RICTOR: variants seen among roughly 807,000 people sequenced by gnomAD.
The protein encoded by RICTOR is rapamycin-insensitive companion of mTOR.
RICTOR carries 49 observed loss-of-function variants against 214.9 expected under a neutral mutation model. That is an observed-to-expected ratio of 0.23 (90% CI 0.18 to 0.29). The LOEUF (loss-of-function observed/expected upper bound fraction) is 0.29. RICTOR is among the 10% of genes least tolerant of loss of function. RICTOR has a pLI of 1.00. For synonymous variants in RICTOR, 717 were observed against 711.3 expected (o/e 1.01, Z -0.13); for missense variants, 1,625 against 2,047.0 (o/e 0.79, Z 3.98).
chr5:38,945,734 A>T lies in RICTOR; in HGVS notation c.4400-10T>A. ...GTTCCAGATGGAAGACCTGTGCATA[A>T]GTAAATATAAAACATAATCCAATAA... On this transcript the variant is annotated splice_polypyrimidine_tract_variant and intron_variant, in intron 33 of 37. Coordinates refer to ENST00000357387, the MANE Select transcript of RICTOR (RefSeq NM_152756.5). The T allele has an allele frequency of 1.4e-6, 2 of 1,400,248 alleles. No homozygotes were observed. The highest frequency in any genetic ancestry group is 2.0e-6 in the Non-Finnish European group (2 of 991,220). The allele number at this position is 1,400,248 out of a possible 1,614,324, so 86.7% of individuals were successfully genotyped here. A position where few individuals can be genotyped will look rare whatever the true frequency, so the allele number is the denominator to read the frequency against.
chr5:38,988,587 T>C (rs1242021957), intron 7 of RICTOR, among the ~76,000 whole-genome samples: 1 of 152,050 alleles, frequency 6.6e-6, no homozygotes, highest in Non-Finnish European at 1.5e-5. Context: ...ATGTGTGTCT[T>C]TGCACGTAAG....
At chr5:38,967,585 A>G (rs1051270388) in intron 12 of RICTOR, among the ~76,000 whole-genome samples, 158 bp from the exon 13 acceptor site, 2 of 152,186 alleles carry the variant, frequency 1.3e-5, no homozygotes, top group Admixed American at 6.5e-5. Flanking sequence ...AGTTATGTAA[A>G]TACACGCAGA....
intron 2 of RICTOR, among the ~76,000 whole-genome samples, chr5:39,043,013 G>A (rs977466950): frequency 6.6e-6 from 1 of 152,094 alleles, no homozygotes; most frequent in African/African-American, 2.4e-5. Context: ...TACTGTTGGT[G>A]AGAATGTATA....
chr5:38,986,163 C>G (rs989656411), intron 7 of RICTOR, among the ~76,000 whole-genome samples: 2 of 152,118 alleles, frequency 1.3e-5, no homozygotes, highest in Non-Finnish European at 2.9e-5. Context: ...CGGTTTTCTC[C>G]ATGCTGTTCT....
intron 3 of RICTOR, among the ~76,000 whole-genome samples, chr5:39,011,166 C>T (rs918949470): frequency 6.6e-6 from 1 of 152,100 alleles, no homozygotes; most frequent in East Asian, 1.9e-4. Context: ...CCCTGTATCC[C>T]AGCCGTGGCT....
intron 2 of RICTOR, among the ~76,000 whole-genome samples, chr5:39,060,855 T>G (rs1223959027): frequency 6.6e-6 from 1 of 151,970 alleles, no homozygotes; most frequent in East Asian, 1.9e-4. Context: ...GCATGGGTTT[T>G]AGAATCAGAA....
At chr5:38,942,712 C>T in intron 37 of RICTOR, 121 bp downstream of exon 37, 1 of 783,038 alleles carries the variant, frequency 1.3e-6, no homozygotes, top group Non-Finnish European at 2.1e-6. Context: ...CGCGCTGACC[C>T]CACAAAGTGC....
At chr5:39,060,739 G>T (rs1382213521) in intron 2 of RICTOR, among the ~76,000 whole-genome samples, 2 of 151,916 alleles carry the variant, frequency 1.3e-5, no homozygotes, top group Non-Finnish European at 2.9e-5. Context: ...GGTTCCTGGG[G>T]GTTCCAAATC....
intron 2 of RICTOR, among the ~76,000 whole-genome samples, chr5:39,060,960 A>T (rs1225588065): frequency 6.6e-6 from 1 of 151,994 alleles, no homozygotes; most frequent in Non-Finnish European, 1.5e-5. Flanking sequence ...CATCAGTTAC[A>T]CAGGTGTATT....
At position 39,040,709 on chromosome 5, in the gene RICTOR, A is replaced by C. The variant is rs186194022; in HGVS notation, c.98-19573T>G. On this transcript the variant is annotated intron_variant, in intron 2 of 37. Coordinates refer to ENST00000357387, the MANE Select transcript of RICTOR (RefSeq NM_152756.5). The stretch of plus-strand genomic sequence containing the variant: ...TTTATTACTTATATAATTTTTAAAA[A>C]TAAATCTATACTATAAAAGACAGTT... Among the ~76,000 whole-genome samples the C allele has an allele frequency of 6.9e-3, 1,057 of 152,190 alleles. 12 individuals carry two copies. Among genetic ancestry groups the C allele is most frequent in the African/African-American group, 0.023 (937 of 41,556 alleles).
intron 2 of RICTOR, among the ~76,000 whole-genome samples, chr5:39,050,867 A>G (rs777468128): frequency 2.6e-5 from 4 of 152,196 alleles, no homozygotes; most frequent in Non-Finnish European, 5.9e-5. Flanking sequence ...GGCTCATTAT[A>G]CTTTTTTCTC....
intron 3 of RICTOR, among the ~76,000 whole-genome samples, chr5:39,015,518 T>A (rs1344359022): frequency 6.6e-6 from 1 of 151,962 alleles, no homozygotes; most frequent in Non-Finnish European, 1.5e-5. Context: ...CATTTCTGCT[T>A]GTCACAACTG....
chr5:38,966,666 A>G lies in RICTOR; in HGVS notation c.1274T>C (p.Ile425Thr), dbSNP rs757642382. The stretch of plus-strand genomic sequence containing the variant: ...CATATGTAAAAGCTCTCCTAAAAGG[A>G]TGGTAGCTCTAACTGAGATATGATC... Reference protein sequence around the residue: ...SDDHISVRATILLGELLHMAN... With the variant: ...SDDHISVRATTLLGELLHMAN... The change falls in exon 15 of 38, where the codon ATC becomes ACC. Residue 425 changes from isoleucine to threonine, a missense_variant. Physicochemically the swap from Ile to Thr is moderately conservative, Grantham distance 89. Coordinates refer to ENST00000357387, the MANE Select transcript of RICTOR (RefSeq NM_152756.5). 1.9e-6 allele frequency: 3 copies of G among 1,584,748 alleles called. No homozygotes were observed. The highest frequency in any genetic ancestry group is 2.6e-6 in the Non-Finnish European group (3 of 1,156,108).
chr5:39,013,288 A>G (rs375355544), intron 3 of RICTOR, among the ~76,000 whole-genome samples: 1 of 152,142 alleles, frequency 6.6e-6, no homozygotes, highest in African/African-American at 2.4e-5. Flanking sequence ...TATTATACAA[A>G]TCTTATTTTA....
At chr5:39,004,290 AT>A (rs543931373) in intron 3 of RICTOR, among the ~76,000 whole-genome samples, 46 of 147,694 alleles carry the variant, frequency 3.1e-4, no homozygotes, top group South Asian at 4.3e-4. Context: ...TCTGGAAATA[AT>A]TTTTTTTTTT....
At chr5:39,039,283 A>C (rs916756239) in intron 2 of RICTOR, among the ~76,000 whole-genome samples, 5 of 152,294 alleles carry the variant, frequency 3.3e-5, no homozygotes, top group Admixed American at 1.3e-4. Context: ...CTGAAACTGG[A>C]TCCCTTCCTT....
At position 38,958,986 on chromosome 5, in the gene RICTOR, A is replaced by G. The variant is rs1579915618; in HGVS notation, c.2179-155T>C. 2.0e-5 allele frequency among the ~76,000 whole-genome samples: 3 copies of G among 152,138 alleles called. No homozygotes were observed. In the East Asian group the frequency reaches 5.8e-4, roughly 29 times the overall value. On this transcript the variant is annotated intron_variant, in intron 22 of 37. Coordinates refer to ENST00000357387, the MANE Select transcript of RICTOR (RefSeq NM_152756.5). ...TATGAATACTTTTTTGGTTCTTGTG[A>G]AATAGAATACTTCCCTTTCTATCTA... is the stretch of plus-strand genomic sequence containing the variant.
chr5:38,944,321 T>C (rs1747935639), intron 36 of RICTOR, 125 bp downstream of exon 36: 10 of 914,644 alleles, frequency 1.1e-5, no homozygotes, highest in Non-Finnish European at 1.6e-5. Context: ...CTCACACAGG[T>C]ATGCAATGCA....
chr5:39,029,731 T>C (rs1756122273), intron 2 of RICTOR, among the ~76,000 whole-genome samples: 1 of 152,218 alleles, frequency 6.6e-6, no homozygotes, highest in South Asian at 2.1e-4. Context: ...GCATCCATTT[T>C]CTCTACGTAA....
Sources: gnomAD v4.1 joint callset for allele counts (sites outside exome capture counted in the v4.1 genomes callset) on GRCh38, gnomAD v4.1.1 for gene constraint, MANE v1.5 for transcripts, NCBI Gene and HGNC (gene_info 2026-07-23, HGNC 2026-07-21) for gene names.